Variants in RBFOX1 observed in about 807,000 individuals in gnomAD.
RBFOX1 encodes RNA binding protein fox-1 homolog 1.
Under a neutral mutation model 57.7 loss-of-function variants are expected in RBFOX1, and 8 were observed. The observed-to-expected ratio is 0.14, with a 90% confidence interval of 0.08 to 0.25. The LOEUF (loss-of-function observed/expected upper bound fraction) is 0.25, where lower values mean the gene tolerates loss of function less well. RBFOX1 is among the 10% of genes least tolerant of loss of function. The pLI is 1.00. For missense variants in RBFOX1, 611 were observed against 548.5 expected, an observed-to-expected ratio of 1.11 and a Z score of -1.14; for synonymous variants, 326 against 222.4, an observed-to-expected ratio of 1.47 and a Z score of -4.15.
chr16:6,686,948 C>T (rs764282213), intron 3 of RBFOX1, among the ~76,000 whole-genome samples: 13 of 152,106 alleles, frequency 8.5e-5, no homozygotes, highest in African/African-American at 1.4e-4. Flanking sequence ...AGATTCTGCT[C>T]GTAATGATAT....
intron 3 of RBFOX1, among the ~76,000 whole-genome samples, chr16:6,937,506 A>G (rs1380745765): frequency 1.3e-5 from 2 of 152,166 alleles, no homozygotes; most frequent in African/African-American, 2.4e-5. Context: ...TAGGAGTGAC[A>G]CAGACATCAG....
chr16:6,849,891 A>G (rs370818769), intron 3 of RBFOX1, among the ~76,000 whole-genome samples: 2 of 152,040 alleles, frequency 1.3e-5, no homozygotes, highest in South Asian at 4.2e-4. Context: ...CTGATTTATA[A>G]TTATTTGTGT....
chr16:7,703,415 A>C (rs2081399641), intron 14 of RBFOX1, among the ~76,000 whole-genome samples: 1 of 151,952 alleles, frequency 6.6e-6, no homozygotes, highest in Non-Finnish European at 1.5e-5. Flanking sequence ...AGCAGATTTC[A>C]CTCATCTTTC....
intron 4 of RBFOX1, among the ~76,000 whole-genome samples, chr16:5,912,915 G>T (rs558405831): frequency 8.5e-5 from 13 of 152,324 alleles, no homozygotes; most frequent in African/African-American, 2.6e-4. Flanking sequence ...CCAGACCCAA[G>T]AACAGAGGGG....
At chr16:7,586,192 C>T (rs895073882) in intron 6 of RBFOX1, among the ~76,000 whole-genome samples, 1 of 152,162 alleles carries the variant, frequency 6.6e-6, no homozygotes, top group African/African-American at 2.4e-5. Context: ...TTCCCTGGGC[C>T]ACAGTACATG....
intron 4 of RBFOX1, among the ~76,000 whole-genome samples, chr16:7,166,670 C>A (rs1349035266): frequency 6.6e-6 from 1 of 152,148 alleles, no homozygotes; most frequent in Non-Finnish European, 1.5e-5. Context: ...TGAGTGTAAA[C>A]CATCTTTGCC....
intron 2 of RBFOX1, among the ~76,000 whole-genome samples, chr16:6,645,796 T>C (rs976411690): frequency 2.6e-5 from 4 of 152,176 alleles, no homozygotes; most frequent in Non-Finnish European, 5.9e-5. Flanking sequence ...CCCTGGCGTG[T>C]ATTGGATATG....
chr16:6,287,024 T>A (rs1343714659), intron 1 of RBFOX1, among the ~76,000 whole-genome samples: 1 of 151,926 alleles, frequency 6.6e-6, no homozygotes, highest in African/African-American at 2.4e-5. Context: ...CTCAAATGCC[T>A]ACAGAGATCT....
At chr16:5,909,862 G>A (rs149898533) in intron 4 of RBFOX1, among the ~76,000 whole-genome samples, 4 of 152,076 alleles carry the variant, frequency 2.6e-5, no homozygotes, top group Non-Finnish European at 5.9e-5. Flanking sequence ...AGACCAGCCT[G>A]ACCAATATGG....
At chr16:7,676,945 G>T in intron 14 of RBFOX1, 107 bp downstream of exon 14, 1 of 1,148,250 alleles carries the variant, frequency 8.7e-7, no homozygotes, top group Non-Finnish European at 1.3e-6. Context: ...TGCTGGGGGA[G>T]GTAGCACCCC....
intron 4 of RBFOX1, among the ~76,000 whole-genome samples, chr16:7,130,257 A>T (rs978386865): frequency 5.9e-5 from 9 of 151,268 alleles, no homozygotes; most frequent in Admixed American, 6.6e-5. Context: ...CTGGTCTTGA[A>T]CTCCTGACCT....
At chr16:6,291,691 A>T (rs187160741) in intron 1 of RBFOX1, among the ~76,000 whole-genome samples, 38 of 152,306 alleles carry the variant, frequency 2.5e-4, no homozygotes, top group African/African-American at 8.7e-4. Context: ...ATTAGCTGAG[A>T]CAGACAAAGG....
chr16:7,512,046 C>T (rs1016730664), intron 4 of RBFOX1, among the ~76,000 whole-genome samples: 4 of 152,108 alleles, frequency 2.6e-5, no homozygotes, highest in African/African-American at 9.7e-5. Context: ...CTAGGAACAC[C>T]CACAAGCACC....
At chr16:6,943,217 G>T (rs113657036) in intron 3 of RBFOX1, among the ~76,000 whole-genome samples, 1 of 152,134 alleles carries the variant, frequency 6.6e-6, no homozygotes, top group Non-Finnish European at 1.5e-5. Flanking sequence ...TGCCTATAAG[G>T]TTATAGAGCC....
In RBFOX1 at chr16:7,434,826, G is replaced by T. The variant is rs527829997; in HGVS notation, c.28-83321G>T. Among the ~76,000 whole-genome samples, 168 of 151,240 alleles carry T rather than the reference G, an allele frequency of 1.1e-3. 1 individual carries two copies. Among genetic ancestry groups the T allele is most frequent in the African/African-American group, 3.7e-3 (154 of 41,148 alleles). On this transcript the variant is annotated intron_variant, in intron 4 of 15. Transcript: ENST00000550418. ...GTGATCTCTGCTCACTGCAACCTCT[G>T]CCTCCCAGACTCAAGTGATTCTCTA...
chr16:6,676,418 G>A (rs1207098796), intron 3 of RBFOX1, among the ~76,000 whole-genome samples: 3 of 152,192 alleles, frequency 2.0e-5, no homozygotes, highest in African/African-American at 4.8e-5. Context: ...ACTCTCAATA[G>A]TAAATAAAGG....
intron 4 of RBFOX1, among the ~76,000 whole-genome samples, chr16:7,416,871 C>G (rs980212124): frequency 6.6e-6 from 1 of 151,964 alleles, no homozygotes; most frequent in East Asian, 1.9e-4. Flanking sequence ...TCATTCAATC[C>G]CCGACAACAA....
intron 10 of RBFOX1, among the ~76,000 whole-genome samples, chr16:7,615,264 C>T (rs1332863470): frequency 6.6e-6 from 1 of 151,972 alleles, no homozygotes; most frequent in African/African-American, 2.4e-5. Flanking sequence ...ACCTGGGAGG[C>T]GGAGCTTGCA....
intron 1 of RBFOX1, among the ~76,000 whole-genome samples, chr16:5,326,945 A>T (rs7191768): frequency 6.6e-6 from 1 of 152,242 alleles, no homozygotes; most frequent in Non-Finnish European, 1.5e-5. Context: ...CTAGGAACTG[A>T]GGGTAAACAG....
Sources: gnomAD v4.1 joint callset for allele counts (sites outside exome capture counted in the v4.1 genomes callset) on GRCh38, gnomAD v4.1.1 for gene constraint, MANE v1.5 for transcripts, NCBI Gene and HGNC (gene_info 2026-07-23, HGNC 2026-07-21) for gene names.